FAM53B: variants seen among roughly 807,000 people sequenced by gnomAD.
The protein encoded by FAM53B is family with sequence similarity 53 member B.
FAM53B carries 12 observed loss-of-function variants against 32.7 expected under a neutral mutation model. The observed-to-expected ratio is 0.37, with a 90% confidence interval of 0.24 to 0.59. The LOEUF is 0.59. FAM53B is among the 20% of genes least tolerant of loss of function. FAM53B has a pLI of 0.72. For missense variants in FAM53B, 477 were observed against 577.7 expected, an observed-to-expected ratio of 0.83 and a Z score of 1.79; for synonymous variants, 234 against 228.7, an observed-to-expected ratio of 1.02 and a Z score of -0.21.
At chr10:124,739,776 T>C (rs1950190547) in intron 1 of FAM53B, among the ~76,000 whole-genome samples, 1 of 151,306 alleles carries the variant, frequency 6.6e-6, no homozygotes, top group South Asian at 2.1e-4. Context: ...AAAGCGGGGG[T>C]GCCTGTCACA....
intron 2 of FAM53B, among the ~76,000 whole-genome samples, chr10:124,701,726 C>A (rs1949915949): frequency 6.6e-6 from 1 of 152,200 alleles, no homozygotes; most frequent in African/African-American, 2.4e-5. Context: ...CTGGACCCAG[C>A]CATGGCTGCC....
At chr10:124,684,988 C>T (rs187950058) in intron 3 of FAM53B, among the ~76,000 whole-genome samples, 27 of 152,242 alleles carry the variant, frequency 1.8e-4, no homozygotes, top group Middle Eastern at 3.4e-3. Flanking sequence ...ATAGTTAAAA[C>T]GTCTTACAGT....
chr10:124,701,703 G>C (rs1357661078), intron 2 of FAM53B, among the ~76,000 whole-genome samples: 1 of 152,204 alleles, frequency 6.6e-6, no homozygotes, highest in African/African-American at 2.4e-5. Context: ...GGCCAGAGTG[G>C]GGGAAAGGGG....
intron 4 of FAM53B, among the ~76,000 whole-genome samples, chr10:124,635,639 C>A (rs1016390781): frequency 6.6e-6 from 1 of 152,114 alleles, no homozygotes. Flanking sequence ...GTTAACCTGG[C>A]GACATCCTCC....
intron 4 of FAM53B, among the ~76,000 whole-genome samples, chr10:124,673,624 C>A (rs533989330): frequency 6.6e-6 from 1 of 152,324 alleles, no homozygotes; most frequent in South Asian, 2.1e-4. Flanking sequence ...CCTTCCTAAT[C>A]CAGGCTGAGC....
chr10:124,721,719 A>G (rs1564887978), intron 1 of FAM53B, among the ~76,000 whole-genome samples: 1 of 152,194 alleles, frequency 6.6e-6, no homozygotes, highest in Non-Finnish European at 1.5e-5. Context: ...AGCGTAAAAC[A>G]TAACCTGCCT....
chr10:124,640,327 G>T (rs1199456786), intron 4 of FAM53B, among the ~76,000 whole-genome samples: 1 of 152,230 alleles, frequency 6.6e-6, no homozygotes, highest in Non-Finnish European at 1.5e-5. Flanking sequence ...GTTGGGGAGG[G>T]ATCGTGTTCC....
rs1383526255 is a variant in FAM53B, at chr10:124,682,002, G to A, written c.511C>T (p.Pro171Ser). ...GAGGAGAGCACGTTGGCCCGGGAAG[G>A]GAGGCTGAAGCTGGAACTCCTCTGC... ...TMQRSSSFSL[P>S]SRANVLSSPC... Residue 171 changes from proline (P) to serine (S), a missense_variant, in exon 4 of 5, where the codon CCT (proline) becomes TCT (serine). Coordinates refer to ENST00000337318, the MANE Select transcript of FAM53B (RefSeq NM_014661.4). This position sits in a 1 kb window ranked among gnomAD's most constrained non-coding sequence, Gnocchi z 5.2. 1 of 1,614,030 alleles carries A rather than the reference G, an allele frequency of 6.2e-7. No individual in the cohort carries two copies. Among genetic ancestry groups the A allele is most frequent in the Non-Finnish European group, 8.5e-7 (1 of 1,179,972 alleles).
At chr10:124,654,867 G>A (rs1243889234) in intron 4 of FAM53B, among the ~76,000 whole-genome samples, 1 of 152,188 alleles carries the variant, frequency 6.6e-6, no homozygotes, top group African/African-American at 2.4e-5. Flanking sequence ...TCTGTGTCTG[G>A]TCTAAGGAGC....
At chr10:124,640,634 T>G (rs1949464226) in intron 4 of FAM53B, among the ~76,000 whole-genome samples, 1 of 152,192 alleles carries the variant, frequency 6.6e-6, no homozygotes, top group Admixed American at 6.5e-5. Context: ...ATGGCAGAGC[T>G]AATGTTTACT....
chr10:124,630,405 C>T (rs1480331387), intron 4 of FAM53B, among the ~76,000 whole-genome samples: 1 of 152,180 alleles, frequency 6.6e-6, no homozygotes, highest in Non-Finnish European at 1.5e-5. Flanking sequence ...CAGGGCAAGA[C>T]CTGTCTCTCC....
chr10:124,644,867 T>C (rs2083388890), intron 4 of FAM53B, among the ~76,000 whole-genome samples: 1 of 152,196 alleles, frequency 6.6e-6, no homozygotes, highest in Admixed American at 6.5e-5. Flanking sequence ...TCAGTCCCTC[T>C]GCTGCAGGAC....
chr10:124,685,964 C>T (rs975530199), intron 3 of FAM53B, among the ~76,000 whole-genome samples: 1 of 152,244 alleles, frequency 6.6e-6, no homozygotes, highest in East Asian at 1.9e-4. Context: ...GACTGGCACC[C>T]GGGCCCATCT....
At chr10:124,734,646 G>A (rs757053004) in intron 1 of FAM53B, among the ~76,000 whole-genome samples, 12 of 152,190 alleles carry the variant, frequency 7.9e-5, no homozygotes, top group Non-Finnish European at 1.8e-4. Context: ...GAGGGGAGGG[G>A]CTGTCACAGT....
chr10:124,715,080 T>A (rs573797035), intron 1 of FAM53B, among the ~76,000 whole-genome samples: 1 of 152,374 alleles, frequency 6.6e-6, no homozygotes, highest in Admixed American at 6.5e-5. Flanking sequence ...CCTGTAAGTT[T>A]CATTGTTAAT....
At chr10:124,722,276 A>T (rs911449788) in intron 1 of FAM53B, among the ~76,000 whole-genome samples, 4 of 152,222 alleles carry the variant, frequency 2.6e-5, no homozygotes, top group African/African-American at 9.6e-5. Flanking sequence ...TATGTGTTGC[A>T]ACATCACTAT....
intron 2 of FAM53B, among the ~76,000 whole-genome samples, chr10:124,697,048 C>T (rs982711627): frequency 6.6e-6 from 1 of 152,098 alleles, no homozygotes; most frequent in Non-Finnish European, 1.5e-5. Context: ...GGGGGTTCCT[C>T]ATGCTAGGTG....
At chr10:124,726,969 A>T (rs879680627) in intron 1 of FAM53B, among the ~76,000 whole-genome samples, 3 of 152,200 alleles carry the variant, frequency 2.0e-5, no homozygotes, top group Non-Finnish European at 2.9e-5. Flanking sequence ...ATTTGTAAAA[A>T]TTCCCTTGCA....
chr10:124,686,050 A>G (rs963156609), intron 3 of FAM53B, among the ~76,000 whole-genome samples: 1 of 152,234 alleles, frequency 6.6e-6, no homozygotes, highest in Non-Finnish European at 1.5e-5. Context: ...GAAAAGAATC[A>G]TATAGAGTCA....
Sources: allele counts gnomAD v4.1 joint callset (sites outside exome capture counted in the v4.1 genomes callset), GRCh38; gene constraint gnomAD v4.1.1; non-coding constraint Gnocchi (gnomAD v3.1); transcripts MANE v1.5; gene names NCBI Gene and HGNC (gene_info 2026-07-23, HGNC 2026-07-21).